The following MBNL3 variants were observed in gnomAD, a reference collection of about 807,000 sequenced individuals.
The protein encoded by MBNL3 is muscleblind like splicing regulator 3.
Under a neutral mutation model 24.5 loss-of-function variants are expected in MBNL3, and 6 were observed. The observed-to-expected ratio is 0.25, with a 90% CI of 0.13 to 0.48. The LOEUF is 0.48. MBNL3 is among the 20% of genes least tolerant of loss of function. The pLI, the probability that MBNL3 is intolerant of heterozygous loss-of-function variation, is 0.99. For synonymous variants in MBNL3, 100 were observed against 101.7 expected, an observed-to-expected ratio of 0.98 and a Z score of 0.10; for missense variants, 230 against 293.5, an observed-to-expected ratio of 0.78 and a Z score of 1.58.
In MBNL3 at chrX:132,370,303, T is replaced by G. The variant is rs943365567; in HGVS notation, c.*9363A>C. On this transcript the variant is annotated 3_prime_UTR_variant, in exon 9 of 9. Coordinates refer to ENST00000370853, the MANE Select transcript of MBNL3 (RefSeq NM_001386889.1). ...GTCATTGTATCATGCCCTCTACAGA[T>G]GATGACCATGGGAATGGATTCTGGT... 1.8e-5 allele frequency: 2 copies of G among 112,083 alleles called. No individual in the cohort carries two copies. The highest frequency in any genetic ancestry group is 3.8e-5 in the Non-Finnish European group (2 of 53,208). The allele number at this position is 112,083 out of a possible 1,213,427, so 9.2% of individuals were successfully genotyped here. A position where few individuals can be genotyped will look rare whatever the true frequency, so the allele number is the denominator to read the frequency against.
At chrX:132,384,545 C>A in intron 7 of MBNL3, 118 bp downstream of exon 7, 1 of 625,368 alleles carries the variant, frequency 1.6e-6, no homozygotes, top group Middle Eastern at 5.0e-4. Context: ...CATGTTAAAC[C>A]TTAACATACT....
intron 7 of MBNL3, 69 bp downstream of exon 7, chrX:132,384,594 T>G: frequency 1.0e-6 from 1 of 978,191 alleles, no homozygotes; most frequent in Non-Finnish European, 1.4e-6. Context: ...CATTCATCTT[T>G]CATAGTCACA....
chrX:132,476,671 C>T (rs1253182356), intron 1 of MBNL3, among the ~76,000 whole-genome samples: 1 of 111,929 alleles, frequency 8.9e-6, no homozygotes, highest in Non-Finnish European at 1.9e-5. Context: ...CAATATTTCC[C>T]AGACAGCCTG....
intron 5 of MBNL3, among the ~76,000 whole-genome samples, chrX:132,389,771 C>T (rs996104465): frequency 1.8e-5 from 2 of 111,430 alleles, no homozygotes; most frequent in Non-Finnish European, 3.8e-5. Context: ...ACTTAAGTCA[C>T]GAGAATTCCT....
chrX:132,379,800 C>T, intron 8 of MBNL3, 123 bp from the exon 9 acceptor site: 1 of 495,628 alleles, frequency 2.0e-6, no homozygotes, highest in Non-Finnish European at 3.4e-6. Flanking sequence ...CCAAAATATC[C>T]CCAATCTGAA....
At chrX:132,384,101 C>A (rs1220133161) in intron 7 of MBNL3, among the ~76,000 whole-genome samples, 1 of 111,970 alleles carries the variant, frequency 8.9e-6, no homozygotes, top group African/African-American at 3.2e-5. Context: ...CTCAAAGAGT[C>A]ATTTTGAAAT....
intron 7 of MBNL3, 93 bp downstream of exon 7, chrX:132,384,570 C>T: frequency 6.1e-6 from 5 of 816,342 alleles, no homozygotes; most frequent in Admixed American, 2.9e-5. Flanking sequence ...AAATTTCCAG[C>T]CACATCTTTC....
intron 2 of MBNL3, among the ~76,000 whole-genome samples, chrX:132,407,154 A>T (rs1021613283): frequency 8.9e-6 from 1 of 112,361 alleles, no homozygotes; most frequent in African/African-American, 3.2e-5. Context: ...TGATGCCTAC[A>T]CAGTTTATGC....
In MBNL3 at chrX:132,378,692, T is replaced by C. The variant is rs752526444; in HGVS notation, c.*974A>G. 8.9e-6 allele frequency: 1 copy of C among 111,802 alleles called. No homozygotes were observed. Among genetic ancestry groups the C allele is most frequent in the Non-Finnish European group, 1.9e-5 (1 of 53,112 alleles). 9.2% of individuals were successfully genotyped at this position (111,802 alleles called of 1,213,427 possible). A position where few individuals can be genotyped will look rare whatever the true frequency, so the allele number is the denominator to read the frequency against. ...TTCTCAGCTGAAGATGACAAATGGCTCAGTTTTAGACACTCAATTTAGGAG... is the reference window on the plus strand; with the variant it reads ...TTCTCAGCTGAAGATGACAAATGGCCCAGTTTTAGACACTCAATTTAGGAG... On this transcript the variant is annotated 3_prime_UTR_variant, in exon 9 of 9. Transcript: ENST00000370853.
chrX:132,387,938 C>G (rs764324907), intron 5 of MBNL3, among the ~76,000 whole-genome samples: 1 of 111,753 alleles, frequency 8.9e-6, no homozygotes, highest in Admixed American at 9.5e-5. Flanking sequence ...GGATCAGATT[C>G]TTTGGAGAAG....
intron 1 of MBNL3, among the ~76,000 whole-genome samples, chrX:132,446,253 C>T (rs759162571): frequency 1.2e-4 from 14 of 112,045 alleles, no homozygotes; most frequent in Non-Finnish European, 2.4e-4. Context: ...CTACAATAAA[C>T]ATACATGTGC....
intron 1 of MBNL3, among the ~76,000 whole-genome samples, chrX:132,484,931 G>GCA (rs1569464288): frequency 3.9e-5 from 4 of 102,731 alleles, no homozygotes; most frequent in African/African-American, 1.6e-4. Flanking sequence ...GAATACACAC[G>GCA]CGCACACACA....
intron 1 of MBNL3, among the ~76,000 whole-genome samples, chrX:132,458,853 A>G (rs1039459477): frequency 9.2e-6 from 1 of 108,459 alleles, no homozygotes; most frequent in East Asian, 2.9e-4. Context: ...TGTCTCCCCA[A>G]CAAACATCCA....
At chrX:132,473,500 T>C (rs1202591728) in intron 1 of MBNL3, among the ~76,000 whole-genome samples, 1 of 112,136 alleles carries the variant, frequency 8.9e-6, no homozygotes, top group East Asian at 2.8e-4. Flanking sequence ...TAATCTACTT[T>C]GATTCCTATT....
intron 1 of MBNL3, among the ~76,000 whole-genome samples, chrX:132,444,000 C>T (rs1369754648): frequency 3.0e-5 from 1 of 33,700 alleles, no homozygotes; most frequent in Non-Finnish European, 7.3e-5. Flanking sequence ...CCCCCCCCCC[C>T]CCCCCACCTA....
At chrX:132,381,466 G>C (rs749804056) in intron 8 of MBNL3, 1 of 905,471 alleles carries the variant, frequency 1.1e-6, no homozygotes. Context: ...GATTAAAATA[G>C]TTTCTTGGGA....
intron 2 of MBNL3, chrX:132,413,368 A>G (rs1942986654): frequency 1.8e-6 from 1 of 569,932 alleles, no homozygotes; most frequent in Admixed American, 4.2e-5. Context: ...ATTTTTTAGT[A>G]TAAGTATGCC....
intron 2 of MBNL3, among the ~76,000 whole-genome samples, chrX:132,414,700 T>C (rs754043642): frequency 9.0e-6 from 1 of 111,611 alleles, no homozygotes; most frequent in African/African-American, 3.3e-5. Context: ...CATCTCTCTT[T>C]AGTACACCCT....
intron 3 of MBNL3, among the ~76,000 whole-genome samples, chrX:132,400,901 T>C (rs750399296): frequency 7.1e-5 from 8 of 112,070 alleles, no homozygotes; most frequent in Admixed American, 1.9e-4. Context: ...ATATTAACCT[T>C]ATAATTACAT....
Sources: gnomAD v4.1 joint callset for allele counts (sites outside exome capture counted in the v4.1 genomes callset) on GRCh38, gnomAD v4.1.1 for gene constraint, MANE v1.5 for transcripts, NCBI Gene and HGNC (gene_info 2026-07-23, HGNC 2026-07-21) for gene names.